The following AP1AR variants were observed in gnomAD, a reference collection of about 807,000 sequenced individuals.
AP1AR encodes adaptor related protein complex 1 associated regulatory protein.
In AP1AR, 29 loss-of-function variants were observed where a neutral mutation model predicts 46.3. The observed-to-expected ratio is 0.63, with a 90% confidence interval of 0.47 to 0.85. AP1AR has a LOEUF of 0.85. Ranked by LOEUF, AP1AR falls within the 40% of genes least tolerant of loss-of-function variation. The pLI, the probability that AP1AR is intolerant of heterozygous loss-of-function variation, is 0.00. For synonymous variants in AP1AR, 122 were observed against 122.9 expected, an observed-to-expected ratio of 0.99 and a Z score of 0.05; for missense variants, 357 against 356.3, an observed-to-expected ratio of 1.00 and a Z score of -0.02.
Position 112,233,169 on chromosome 4 carries a change from AAG to A in AP1AR, c.83+997_83+998del, listed in dbSNP as rs200301591. Among the ~76,000 whole-genome samples, 1,220 of 152,334 alleles carry A rather than the reference AAG, an allele frequency of 8.0e-3. 9 individuals are homozygous for A. Among genetic ancestry groups the A allele is most frequent in the Middle Eastern group, 0.037 (11 of 294 alleles). ...CATTTAACTAACATTATTGGGTAAT[AAG>A]ATGTTCAACATAAATAAATTGCAGT... On this transcript the variant is annotated intron_variant, in intron 1 of 9. Transcript: ENST00000274000.
At chr4:112,252,530 T>C (rs1726003032) in intron 1 of AP1AR, among the ~76,000 whole-genome samples, 1 of 152,246 alleles carries the variant, frequency 6.6e-6, no homozygotes, top group Non-Finnish European at 1.5e-5. Context: ...AATGTAGACA[T>C]ATCTTTGGAG....
At chr4:112,237,195 C>T (rs1560600635) in intron 1 of AP1AR, among the ~76,000 whole-genome samples, 2 of 152,284 alleles carry the variant, frequency 1.3e-5, no homozygotes, top group East Asian at 3.9e-4. Context: ...CAACCTCCGC[C>T]TCCCAGGTTC....
At chr4:112,235,038 A>G (rs985424627) in intron 1 of AP1AR, among the ~76,000 whole-genome samples, 24 of 152,238 alleles carry the variant, frequency 1.6e-4, no homozygotes, top group Admixed American at 1.4e-3. Flanking sequence ...TCACCAGTCA[A>G]AATATCAATA....
At chr4:112,246,907 A>T (rs1360507576) in intron 1 of AP1AR, among the ~76,000 whole-genome samples, 2 of 151,702 alleles carry the variant, frequency 1.3e-5, no homozygotes, top group Non-Finnish European at 2.9e-5. Context: ...CTGTTTCTTC[A>T]TTTTACACAT....
chr4:112,264,937 G>T, intron 6 of AP1AR, 72 bp from the exon 7 acceptor site: 1 of 1,139,202 alleles, frequency 8.8e-7, no homozygotes. Flanking sequence ...ACTTTTTGGT[G>T]TTGCATGAGT....
intron 1 of AP1AR, among the ~76,000 whole-genome samples, chr4:112,251,858 A>T (rs1230221686): frequency 6.6e-6 from 1 of 152,208 alleles, no homozygotes; most frequent in Non-Finnish European, 1.5e-5. Context: ...AATAACACAG[A>T]TTTGCATCTA....
At chr4:112,247,718 T>C (rs1725783172) in intron 1 of AP1AR, among the ~76,000 whole-genome samples, 1 of 152,258 alleles carries the variant, frequency 6.6e-6, no homozygotes, top group South Asian at 2.1e-4. Flanking sequence ...AGCTTTCTAA[T>C]TGACCTCTTA....
chr4:112,253,069 G>A (rs1726028699), intron 1 of AP1AR, 139 bp from the exon 2 acceptor site: 3 of 576,040 alleles, frequency 5.2e-6, no homozygotes, highest in South Asian at 6.4e-5. Flanking sequence ...GGTAAATTTT[G>A]TTGTTCTTTT....
chr4:112,254,713 A>T (rs1726105610), intron 2 of AP1AR, 34 bp from the exon 3 acceptor site: 1 of 1,436,600 alleles, frequency 7.0e-7, no homozygotes, highest in African/African-American at 1.5e-5. Context: ...TAAGACAAAT[A>T]TTCCTCTTAA....
At chr4:112,239,799 T>C (rs1487335422) in intron 1 of AP1AR, among the ~76,000 whole-genome samples, 1 of 152,254 alleles carries the variant, frequency 6.6e-6, no homozygotes, top group African/African-American at 2.4e-5. Context: ...TGTTTGTCTG[T>C]TGACTGTTCT....
chr4:112,253,657 A>G lies in AP1AR; in HGVS notation c.132+401A>G, dbSNP rs961261765. Among the ~76,000 whole-genome samples, 5 of 152,330 alleles carry G rather than the reference A, an allele frequency of 3.3e-5. No homozygotes were observed. The East Asian group carries it at 9.6e-4, about 29-fold the overall frequency. ...GTCACTTTTTCTTTGAATGTAAAAT[A>G]TAATAATAGAAACTACCATTTATTC... is the stretch of plus-strand genomic sequence containing the variant. On this transcript the variant is annotated intron_variant, in intron 2 of 9. Transcript: ENST00000274000.
chr4:112,262,193 A>T (rs1726481056), intron 5 of AP1AR, among the ~76,000 whole-genome samples: 1 of 152,126 alleles, frequency 6.6e-6, no homozygotes, highest in Non-Finnish European at 1.5e-5. Flanking sequence ...GCACGCCTGT[A>T]GTCCCAGCTA....
At chr4:112,236,045 T>C (rs1436808754) in intron 1 of AP1AR, among the ~76,000 whole-genome samples, 6 of 151,944 alleles carry the variant, frequency 3.9e-5, no homozygotes, top group Non-Finnish European at 8.8e-5. Flanking sequence ...ATTTTACCCA[T>C]TCCTATGATT....
chr4:112,253,294 T>C, intron 2 of AP1AR, 38 bp downstream of exon 2: 1 of 1,534,740 alleles, frequency 6.5e-7, no homozygotes, highest in Non-Finnish European at 9.0e-7. Flanking sequence ...AAAAATGCCT[T>C]CAGAAAGGCG....
At position 112,262,612 on chromosome 4, in the gene AP1AR, G is replaced by T. The variant is rs182395333; in HGVS notation, c.283-376G>T. 1.4e-3 allele frequency among the ~76,000 whole-genome samples: 211 copies of T among 152,286 alleles called. 2 individuals carry two copies. Among genetic ancestry groups the T allele is most frequent in the African/African-American group, 4.9e-3 (205 of 41,560 alleles). ...CTGAGTTCACTTTGGTCACAGTGAC[G>T]TAATTGATCTTAAAGATACTGGATT... On this transcript the variant is annotated intron_variant, in intron 5 of 9. Coordinates refer to ENST00000274000, the MANE Select transcript of AP1AR (RefSeq NM_018569.6).
intron 3 of AP1AR, among the ~76,000 whole-genome samples, chr4:112,255,539 C>T (rs1726150230): frequency 6.6e-6 from 1 of 152,158 alleles, no homozygotes; most frequent in Non-Finnish European, 1.5e-5. Context: ...TAGCTGGGAC[C>T]ATCGGTGTGT....
rs537298390 is a variant in AP1AR at position 112,239,008 on chromosome 4, C to T, written c.83+6834C>T. On this transcript the variant is annotated intron_variant, in intron 1 of 9. Coordinates refer to ENST00000274000, the MANE Select transcript of AP1AR (RefSeq NM_018569.6). ...CCATATCAAGTTCTTTCCTGTTACTCACCCTTTAAACCCAGGTTATCAAGT... is the reference window on the plus strand; with the variant it reads ...CCATATCAAGTTCTTTCCTGTTACTTACCCTTTAAACCCAGGTTATCAAGT... Among the ~76,000 whole-genome samples, 38 of 152,272 alleles carry T rather than the reference C, an allele frequency of 2.5e-4. No homozygotes were observed. The South Asian group carries it at 7.5e-3, about 30-fold the overall frequency.
chr4:112,233,182 T>C (rs1379659535), intron 1 of AP1AR, among the ~76,000 whole-genome samples: 1 of 152,198 alleles, frequency 6.6e-6, no homozygotes, highest in East Asian at 1.9e-4. Context: ...ATGTTCAACA[T>C]AAATAAATTG....
rs1281446275 is a variant in AP1AR, at chr4:112,272,852, G to A, written c.*4443G>A. 3 of 151,934 alleles carry A rather than the reference G, an allele frequency of 2.0e-5. No homozygotes were observed. Among genetic ancestry groups the A allele is most frequent in the South Asian group, 2.1e-4 (1 of 4,818 alleles). 9.4% of individuals were successfully genotyped at this position (151,934 alleles called of 1,614,324 possible). ...AATTATGCCCGCTTTTTTTTCAATA[G>A]ATAAATATATTTTTCTAGCAGAGGC... On this transcript the variant is annotated 3_prime_UTR_variant, in exon 10 of 10. Coordinates refer to ENST00000274000, the MANE Select transcript of AP1AR (RefSeq NM_018569.6).
Sources: gnomAD v4.1 joint callset for allele counts (sites outside exome capture counted in the v4.1 genomes callset) on GRCh38, gnomAD v4.1.1 for gene constraint, MANE v1.5 for transcripts, NCBI Gene and HGNC (gene_info 2026-07-23, HGNC 2026-07-21) for gene names.